SGPP1: variants seen among roughly 807,000 people sequenced by gnomAD.
SGPP1 encodes the protein sphingosine-1-phosphate phosphatase 1.
A neutral mutation model predicts 33.0 loss-of-function variants in SGPP1; 21 were observed. The ratio of observed to expected loss-of-function variants is 0.64; its 90% confidence interval spans 0.45 to 0.92. SGPP1 has a LOEUF of 0.92. SGPP1 is among the 40% of genes least tolerant of loss of function. SGPP1 has a pLI of 0.00. For missense variants in SGPP1, 543 were observed against 589.4 expected (o/e 0.92, Z 0.81); for synonymous variants, 239 against 241.2 (o/e 0.99, Z 0.08).
At chr14:63,719,013 T>C (rs1885710748) in intron 1 of SGPP1, among the ~76,000 whole-genome samples, 1 of 24,162 alleles carries the variant, frequency 4.1e-5, no homozygotes, top group Admixed American at 6.0e-4. Flanking sequence ...TATATATATA[T>C]ATTTTTTTTT....
intron 1 of SGPP1, among the ~76,000 whole-genome samples, chr14:63,719,147 CT>C (rs1159311038): frequency 6.8e-6 from 1 of 146,850 alleles, no homozygotes; most frequent in African/African-American, 2.5e-5. Flanking sequence ...CCTGCCTCAG[CT>C]CCCGAGTAGC....
intron 2 of SGPP1, among the ~76,000 whole-genome samples, chr14:63,693,956 G>T (rs1305444077): frequency 6.6e-6 from 1 of 152,088 alleles, no homozygotes; most frequent in African/African-American, 2.4e-5. Context: ...GTTCAATCCT[G>T]TAAAATGTTT....
chr14:63,705,360 G>C (rs1179160704), intron 1 of SGPP1, among the ~76,000 whole-genome samples: 2 of 149,856 alleles, frequency 1.3e-5, no homozygotes, highest in Non-Finnish European at 3.0e-5. Flanking sequence ...ATATACAAAT[G>C]GCCAAAAAGC....
At chr14:63,718,277 A>G (rs1369137117) in intron 1 of SGPP1, among the ~76,000 whole-genome samples, 1 of 152,054 alleles carries the variant, frequency 6.6e-6, no homozygotes, top group African/African-American at 2.4e-5. Flanking sequence ...GCCAAGAGAA[A>G]AAACAAAACT....
At chr14:63,689,555 G>A (rs973457153) in intron 2 of SGPP1, among the ~76,000 whole-genome samples, 2 of 151,640 alleles carry the variant, frequency 1.3e-5, no homozygotes, top group African/African-American at 4.8e-5. Context: ...CCAGCACTTT[G>A]GGAGGCCAAG....
intron 1 of SGPP1, among the ~76,000 whole-genome samples, chr14:63,726,108 G>A (rs1885872576): frequency 6.6e-6 from 1 of 152,178 alleles, no homozygotes; most frequent in Non-Finnish European, 1.5e-5. Context: ...TGTACTGTAA[G>A]AGAGATGCAC....
chr14:63,696,442 C>A (rs1384510064), intron 2 of SGPP1, among the ~76,000 whole-genome samples: 5 of 152,166 alleles, frequency 3.3e-5, no homozygotes, highest in Non-Finnish European at 7.3e-5. Context: ...ACTAAAGATG[C>A]ATAACCATTT....
Position 63,727,316 on chromosome 14 carries a change from A to T in SGPP1, c.629T>A (p.Met210Lys), listed in dbSNP as rs751720746. 6.2e-7 allele frequency: 1 copy of T among 1,614,056 alleles called. No homozygotes were observed. Among genetic ancestry groups the T allele is most frequent in the East Asian group, 2.2e-5 (1 of 44,874 alleles). The change falls in exon 1 of 3, where the codon ATG (methionine) becomes AAG (lysine). Residue 210 changes from methionine (M) to lysine (K), a missense_variant. By Grantham distance (95) the Met-to-Lys change is moderately conservative. Coordinates refer to ENST00000247225, the MANE Select transcript of SGPP1 (RefSeq NM_030791.4). ...SEYSMPSTHAMSGTAIPISMV... is the reference protein window; with the variant it reads ...SEYSMPSTHAKSGTAIPISMV... The stretch of plus-strand genomic sequence containing the variant: ...AGAAATGGGGATGGCGGTGCCGGAC[A>T]TGGCATGGGTGGAGGGCATGCTGTA...
chr14:63,688,706 C>T (rs1390554856), intron 2 of SGPP1, among the ~76,000 whole-genome samples: 4 of 151,174 alleles, frequency 2.6e-5, no homozygotes, highest in Non-Finnish European at 4.4e-5. Context: ...CAAAAACAAC[C>T]GTCATTTCTT....
At chr14:63,693,324 ACCT>A (rs1885123883) in intron 2 of SGPP1, among the ~76,000 whole-genome samples, 1 of 152,164 alleles carries the variant, frequency 6.6e-6, no homozygotes, top group Non-Finnish European at 1.5e-5. Flanking sequence ...TTACTTCCCT[ACCT>A]TGTAATTAAA....
At chr14:63,719,012 A>G (rs67518330) in intron 1 of SGPP1, among the ~76,000 whole-genome samples, 1 of 20,960 alleles carries the variant, frequency 4.8e-5, no homozygotes, top group African/African-American at 3.1e-4. Context: ...ATATATATAT[A>G]TATTTTTTTT....
chr14:63,701,534 T>C (rs1294129609), intron 1 of SGPP1, among the ~76,000 whole-genome samples: 6 of 152,084 alleles, frequency 3.9e-5, no homozygotes, highest in Middle Eastern at 3.2e-3. Context: ...GGGAATAGCA[T>C]ATACTAGGCA....
In SGPP1 at chr14:63,727,575, T is replaced by C; in HGVS notation, c.370A>G (p.Ser124Gly). The change falls in exon 1 of 3, where the codon AGC becomes GGC. Residue 124 changes from serine to glycine, a missense_variant. Ser to Gly is a moderately conservative substitution (Grantham distance 56). Coordinates refer to ENST00000247225, the MANE Select transcript of SGPP1 (RefSeq NM_030791.4). ...AACAGGCAGTAGAGCGGCCAGTTGC[T>C]CACGCGGGCCAGCTGGCCCTCCTCG... Reference protein sequence around the residue: ...TGEEGQLARVSNWPLYCLFCF... With the variant: ...TGEEGQLARVGNWPLYCLFCF... 2 of 1,598,660 alleles carry C rather than the reference T, an allele frequency of 1.3e-6. No individual in the cohort carries two copies. Among genetic ancestry groups the C allele is most frequent in the Non-Finnish European group, 1.7e-6 (2 of 1,174,072 alleles).
At chr14:63,704,129 T>C (rs528534008) in intron 1 of SGPP1, among the ~76,000 whole-genome samples, 1 of 152,278 alleles carries the variant, frequency 6.6e-6, no homozygotes, top group Non-Finnish European at 1.5e-5. Context: ...GCCCAGCCCT[T>C]CTGTCAAAGT....
intron 1 of SGPP1, among the ~76,000 whole-genome samples, chr14:63,701,882 A>T (rs1746890410): frequency 1.3e-5 from 2 of 149,624 alleles, no homozygotes; most frequent in Non-Finnish European, 2.9e-5. Context: ...GTCTTTAAAA[A>T]CCTTTAAAGT....
chr14:63,727,101 T>A (rs1407308044), intron 1 of SGPP1, among the ~76,000 whole-genome samples, 160 bp downstream of exon 1: 2 of 152,164 alleles, frequency 1.3e-5, no homozygotes, highest in African/African-American at 4.8e-5. Flanking sequence ...ATCACTTAAT[T>A]TTTCAAAACC....
chr14:63,709,083 T>C (rs967258276), intron 1 of SGPP1, among the ~76,000 whole-genome samples: 2 of 152,120 alleles, frequency 1.3e-5, no homozygotes, highest in Non-Finnish European at 2.9e-5. Flanking sequence ...AGCTTAAAGA[T>C]ACTAATTCTG....
At chr14:63,699,826 T>C (rs981130595) in intron 1 of SGPP1, among the ~76,000 whole-genome samples, 1 of 151,544 alleles carries the variant, frequency 6.6e-6, no homozygotes, top group Non-Finnish European at 1.5e-5. Flanking sequence ...TCGATAGTCA[T>C]AGCTTCATAC....
At chr14:63,698,756 TA>T (rs1885239990) in intron 1 of SGPP1, 98 bp from the exon 2 acceptor site, 1 of 601,850 alleles carries the variant, frequency 1.7e-6, no homozygotes, top group Non-Finnish European at 2.6e-6. Flanking sequence ...TAAAGTCCAC[TA>T]AAACAAGAAA....
Sources: gnomAD v4.1 joint callset for allele counts (sites outside exome capture counted in the v4.1 genomes callset) on GRCh38, gnomAD v4.1.1 for gene constraint, MANE v1.5 for transcripts, NCBI Gene and HGNC (gene_info 2026-07-23, HGNC 2026-07-21) for gene names.